HSPB7: variants seen among roughly 807,000 people sequenced by gnomAD.
HSPB7 encodes the protein heat shock protein family B (small) member 7.
Under a neutral mutation model 11.0 loss-of-function variants are expected in HSPB7, and 9 were observed. The observed-to-expected ratio is 0.82, with a 90% CI of 0.49 to 1.43. The LOEUF (loss-of-function observed/expected upper bound fraction) is 1.43. Ranked by LOEUF, HSPB7 falls within the 40% of genes most tolerant of loss-of-function variation. The pLI, the probability that HSPB7 is intolerant of heterozygous loss-of-function variation, is 0.00. For missense variants in HSPB7, 246 were observed against 243.9 expected (o/e 1.01, Z -0.06); for synonymous variants, 102 against 101.6 (o/e 1.00, Z -0.02).
upstream of HSPB7, chr1:16,018,613 A>C (rs868326334): frequency 9.6e-7 from 1 of 1,040,978 alleles, no homozygotes; most frequent in Non-Finnish European, 1.2e-6. Context: ...GGGGACCTGG[A>C]TTCTGTGCCT....
intron 1 of HSPB7, 82 bp downstream of exon 1, chr1:16,017,677 CCGGCAG>C: frequency 3.5e-6 from 4 of 1,149,308 alleles, no homozygotes; most frequent in Non-Finnish European, 5.0e-6. Context: ...TCCAGGCCGA[CCGGCAG>C]CCACAGCGCC....
In HSPB7 at chr1:16,017,896, G is replaced by C. The variant is rs371474923; in HGVS notation, c.68C>G (p.Ser23Cys). ...RSFHSSSSSSSSSTSSSASRA... is the reference protein window; with the variant it reads ...RSFHSSSSSSCSSTSSSASRA... Reference sequence around the variant, plus strand: ...GGAGGCCGAGGAGGAGGTGGAAGAGGAGGAGGAAGAGGAAGAGGAATGGAA... The same window carrying C: ...GGAGGCCGAGGAGGAGGTGGAAGAGCAGGAGGAAGAGGAAGAGGAATGGAA... Residue 23 changes from serine (S) to cysteine (C), a missense_variant, in exon 1 of 3, where the codon TCC (serine) becomes TGC (cysteine). By Grantham distance (112) the Ser-to-Cys change is moderately radical (BLOSUM62 -1). Transcript: ENST00000311890. The C allele has an allele frequency of 1.1e-4, 184 of 1,613,486 alleles. No homozygotes were observed. The highest frequency in any genetic ancestry group is 1.5e-4 in the Non-Finnish European group (175 of 1,179,616).
rs553408904 is a variant in HSPB7, at chr1:16,017,795, G to A, written c.169C>T (p.Arg57Trp). The A allele has an allele frequency of 8.7e-6, 14 of 1,610,354 alleles. No homozygotes were observed. Among genetic ancestry groups the A allele is most frequent in the Admixed American group, 5.0e-5 (3 of 59,564 alleles). ...AAGGCCAGGGGCTCCGAGTGGGGCC[G>A]CATGAAGCTGCCAAAGTCATCGGAA... is the stretch of plus-strand genomic sequence containing the variant. ...MFSDDFGSFMRPHSEPLAFPA... is the reference protein window; with the variant it reads ...MFSDDFGSFMWPHSEPLAFPA... Residue 57 changes from arginine (R) to tryptophan (W), a missense_variant, in exon 1 of 3, where the codon CGG (arginine) becomes TGG (tryptophan). Transcript: ENST00000311890.
chr1:16,017,143 C>CA lies in HSPB7; in HGVS notation c.263dup (p.Arg89GlufsTer6), dbSNP rs777805543. ...TGATGTCTTCAGGTGAGAAGTCTCT[C>CA]ACGTCCACCGCAAACTCATAGGCGT... On this transcript the variant is annotated frameshift_variant, in exon 2 of 3. Coordinates refer to ENST00000311890, the MANE Select transcript of HSPB7 (RefSeq NM_014424.5). LOFTEE classifies it high-confidence loss of function. The CA allele has an allele frequency of 1.2e-6, 2 of 1,613,744 alleles. No individual in the cohort carries two copies. Among genetic ancestry groups the CA allele is most frequent in the Non-Finnish European group, 1.7e-6 (2 of 1,179,746 alleles).
chr1:16,019,034 C>T (rs1024143921), upstream of HSPB7: 59 of 1,153,250 alleles, frequency 5.1e-5, 1 homozygote, highest in Middle Eastern at 2.6e-3. Context: ...CTTCAGAGGC[C>T]GAGGTGGTTT....
At chr1:16,019,249 T>G, upstream of HSPB7, 1 of 1,544,086 alleles carries the variant, frequency 6.5e-7, no homozygotes, top group Non-Finnish European at 8.8e-7. Flanking sequence ...CCGTCCCAGA[T>G]CAGCTCCAAT....
chr1:16,018,875 G>T, upstream of HSPB7: 1 of 1,334,132 alleles, frequency 7.5e-7, no homozygotes, highest in Non-Finnish European at 9.7e-7. Flanking sequence ...GTCCAGCACG[G>T]CCCCGTTTGA....
rs1261576913 is a variant in HSPB7 at position 16,015,369 on chromosome 1, A to C, written c.*211T>G. The C allele has an allele frequency of 1.8e-6, 1 of 562,540 alleles. No homozygotes were observed. The highest frequency in any genetic ancestry group is 3.2e-6 in the Non-Finnish European group (1 of 316,290). 34.8% of individuals were successfully genotyped at this position (562,540 alleles called of 1,614,324 possible). On this transcript the variant is annotated 3_prime_UTR_variant, in exon 3 of 3. Coordinates refer to ENST00000311890, the MANE Select transcript of HSPB7 (RefSeq NM_014424.5). The surrounding 1 kb of genome is among the most constrained non-coding windows in gnomAD (Gnocchi z 4.9). ...GATTAAGTGACGGAGGCCAAATCTG[A>C]AATCTGGGCATCATGTGTCAGGCCA...
In HSPB7 at chr1:16,015,496, G is replaced by T. The variant is rs926563866; in HGVS notation, c.*84C>A. 24 of 1,364,874 alleles carry T rather than the reference G, an allele frequency of 1.8e-5. No homozygotes were observed. In the African/African-American group the frequency reaches 3.1e-4, roughly 18 times the overall value. The allele number at this position is 1,364,874 out of a possible 1,614,324, so 84.5% of individuals were successfully genotyped here. On this transcript the variant is annotated 3_prime_UTR_variant, in exon 3 of 3. Coordinates refer to ENST00000311890, the MANE Select transcript of HSPB7 (RefSeq NM_014424.5). The surrounding 1 kb of genome is among the most constrained non-coding windows in gnomAD (Gnocchi z 4.9). Reference sequence around the variant, plus strand: ...TGGGGGCTAGAACCTGGGCTGAGATGTCCTGGAGCTGTTGTAATGGGGTTA... The same window carrying T: ...TGGGGGCTAGAACCTGGGCTGAGATTTCCTGGAGCTGTTGTAATGGGGTTA...
At chr1:16,018,873 C>CG (rs2021954182), upstream of HSPB7, 3 of 1,338,034 alleles carry the variant, frequency 2.2e-6, no homozygotes, top group Non-Finnish European at 2.9e-6. Context: ...CTGTCCAGCA[C>CG]GGCCCCGTTT....
upstream of HSPB7, chr1:16,018,755 G>A (rs562994062): frequency 2.7e-5 from 29 of 1,064,138 alleles, no homozygotes; most frequent in Non-Finnish European, 1.9e-5. Flanking sequence ...TGATGCCTGC[G>A]AGCGCCTTAG....
rs765611158 is a variant in HSPB7 at position 16,015,639 on chromosome 1, G to T, written c.454C>A (p.Arg152=). 3 of 1,613,872 alleles carry T rather than the reference G, an allele frequency of 1.9e-6. No individual in the cohort carries two copies. The highest frequency in any genetic ancestry group is 2.2e-5 in the South Asian group (2 of 91,084). Residue 152 remains arginine (R), a synonymous_variant, in exon 3 of 3, where the codon CGG becomes AGG. Transcript: ENST00000311890. The surrounding 1 kb of genome is among the most constrained non-coding windows in gnomAD (Gnocchi z 4.9). ...ACGTGTTCTGTATGCGGGTGACGCC[G>T]TGCCCGGATAGTGAGGCTGCCGTCC... ...REDGSLTIRA[R]RHPHTEHVQQ...
chr1:16,017,060 G>A lies in HSPB7; in HGVS notation c.333+14C>T, dbSNP rs766361550. 29 of 1,602,230 alleles carry A rather than the reference G, an allele frequency of 1.8e-5. No individual in the cohort carries two copies. In the East Asian group the frequency reaches 5.6e-4, roughly 31 times the overall value. On this transcript the variant is annotated intron_variant, in intron 2 of 2. Coordinates refer to ENST00000311890, the MANE Select transcript of HSPB7 (RefSeq NM_014424.5). Reference sequence around the variant, plus strand: ...AGAATTTGGGATGCGGTGAGTAGGGGGTGGGGGGCTCACCTTCTCAGCCCG... The same window carrying A: ...AGAATTTGGGATGCGGTGAGTAGGGAGTGGGGGGCTCACCTTCTCAGCCCG...
In HSPB7 at chr1:16,015,481, A is replaced by G; in HGVS notation, c.*99T>C. 8.2e-7 allele frequency: 1 copy of G among 1,220,276 alleles called. No individual in the cohort carries two copies. Among genetic ancestry groups the G allele is most frequent in the Non-Finnish European group, 1.2e-6 (1 of 851,630 alleles). 75.6% of individuals were successfully genotyped at this position (1,220,276 alleles called of 1,614,324 possible). ...GGGGTCTGGGGTGCGTGGGGGCTAG[A>G]ACCTGGGCTGAGATGTCCTGGAGCT... On this transcript the variant is annotated 3_prime_UTR_variant, in exon 3 of 3. Coordinates refer to ENST00000311890, the MANE Select transcript of HSPB7 (RefSeq NM_014424.5). The surrounding 1 kb of genome is among the most constrained non-coding windows in gnomAD (Gnocchi z 4.9).
At chr1:16,017,279 C>T (rs1557439884) in intron 1 of HSPB7, 72 bp from the exon 2 acceptor site, 1 of 1,573,402 alleles carries the variant, frequency 6.4e-7, no homozygotes, top group African/African-American at 1.4e-5. Flanking sequence ...CTGGCTCCTT[C>T]TCTTGGGGCA....
Position 16,015,866 on chromosome 1 carries a change from C to A in HSPB7, c.334-107G>T. On this transcript the variant is annotated intron_variant, in intron 2 of 2. Transcript: ENST00000311890. This position sits in a 1 kb window ranked among gnomAD's most constrained non-coding sequence, Gnocchi z 4.9. ...CTAACCCCAGCCAGACCCCACATGC[C>A]GAGGGGCTCTGCCCTCAGGTGCCGA... is the stretch of plus-strand genomic sequence containing the variant. The A allele has an allele frequency of 9.1e-7, 1 of 1,093,164 alleles. No homozygotes were observed. The highest frequency in any genetic ancestry group is 1.3e-6 in the Non-Finnish European group (1 of 776,830). 67.7% of individuals were successfully genotyped at this position (1,093,164 alleles called of 1,614,324 possible).
chr1:16,017,304 C>G (rs2021812438), intron 1 of HSPB7, 97 bp from the exon 2 acceptor site: 27 of 1,485,662 alleles, frequency 1.8e-5, no homozygotes, highest in Non-Finnish European at 2.4e-5. Context: ...GCGGCTCCCC[C>G]AGGCCCTACC....
rs889343924 is a variant in HSPB7 at position 16,018,025 on chromosome 1, C to G, written c.-62G>C. On this transcript the variant is annotated 5_prime_UTR_variant, in exon 1 of 3. Transcript: ENST00000311890. ...GGCTGGACAGGAGAGGGTGTGGGCG[C>G]AGGCCTCTGGGCGAGCGTGCCAGGC... 1 of 1,610,880 alleles carries G rather than the reference C, an allele frequency of 6.2e-7. No homozygotes were observed. The highest frequency in any genetic ancestry group is 1.3e-5 in the African/African-American group (1 of 74,926).
Position 16,017,972 on chromosome 1 carries a change from G to A in HSPB7, c.-9C>T, listed in dbSNP as rs779085704. 4.8e-5 allele frequency: 77 copies of A among 1,612,718 alleles called. No individual in the cohort carries two copies. Among genetic ancestry groups the A allele is most frequent in the Non-Finnish European group, 6.1e-5 (72 of 1,179,708 alleles). ...GAGGTTCTGTGGCTCATCCACGGAC[G>A]GCGCCGGGCCCTGCCCAGGCGGGCG... On this transcript the variant is annotated 5_prime_UTR_variant, in exon 1 of 3. Coordinates refer to ENST00000311890, the MANE Select transcript of HSPB7 (RefSeq NM_014424.5).
Sources: gnomAD v4.1 joint callset for allele counts on GRCh38, gnomAD v4.1.1 for gene constraint, Gnocchi (gnomAD v3.1) non-coding constraint, MANE v1.5 for transcripts, NCBI Gene and HGNC (gene_info 2026-07-23, HGNC 2026-07-21) for gene names.